The following ZNF541 variants were observed in gnomAD, a reference collection of about 807,000 sequenced individuals.
ZNF541 encodes the protein zinc finger protein 541.
In ZNF541, 23 loss-of-function variants were observed where a neutral mutation model predicts 123.5. The observed-to-expected ratio is 0.19, with a 90% CI of 0.13 to 0.26. The LOEUF is 0.26. Ranked by LOEUF, ZNF541 falls within the 10% of genes least tolerant of loss-of-function variation. The probability of loss-of-function intolerance (pLI) is 1.00; values close to 1 mark genes in which losing one functional copy is unlikely to be tolerated. For synonymous variants in ZNF541, 751 were observed against 754.5 expected (o/e 1.00, Z 0.08); for missense variants, 1,612 against 1,789.9 (o/e 0.90, Z 1.79).
chr19:47,551,456 T>C (rs574190536), intron 3 of ZNF541, among the ~76,000 whole-genome samples: 1 of 151,778 alleles, frequency 6.6e-6, no homozygotes, highest in African/African-American at 2.4e-5. Context: ...ACCGCAGCCT[T>C]GAACTCCTGG....
At chr19:47,532,420 T>C (rs1364121027) in intron 10 of ZNF541, 150 bp from the exon 11 acceptor site, 1 of 824,568 alleles carries the variant, frequency 1.2e-6, no homozygotes, top group East Asian at 2.7e-5. Flanking sequence ...TACGTGCTGT[T>C]CCCGACAGAT....
chr19:47,531,829 A>G, intron 11 of ZNF541, 84 bp from the exon 12 acceptor site: 2 of 1,247,744 alleles, frequency 1.6e-6, no homozygotes, highest in Non-Finnish European at 2.2e-6. Context: ...AAGACAGCAG[A>G]GAGGGGGTGC....
chr19:47,522,136 G>T, intron 14 of ZNF541, 142 bp from the exon 15 acceptor site: 1 of 1,111,740 alleles, frequency 9.0e-7, no homozygotes, highest in Non-Finnish European at 1.3e-6. Context: ...CACCACAAAG[G>T]CACAGGACCA....
chr19:47,533,366 A>C (rs1292690863), intron 9 of ZNF541, among the ~76,000 whole-genome samples: 4 of 134,296 alleles, frequency 3.0e-5, no homozygotes, highest in African/African-American at 6.5e-5. Context: ...TCTCAAAAAA[A>C]AAAAAAAAAA....
Position 47,538,416 on chromosome 19 carries a change from C to G in ZNF541, c.2820G>C (p.Glu940Asp). 6.5e-7 allele frequency: 1 copy of G among 1,530,480 alleles called. No individual in the cohort carries two copies. The highest frequency in any genetic ancestry group is 8.8e-7 in the Non-Finnish European group (1 of 1,136,602). 94.8% of individuals were successfully genotyped at this position (1,530,480 alleles called of 1,614,324 possible). A position where few individuals can be genotyped will look rare whatever the true frequency, so the allele number is the denominator to read the frequency against. The change falls in exon 9 of 17, where the codon GAG becomes GAC. Residue 940 changes from glutamate (E) to aspartate (D), a missense_variant. Glu to Asp is a conservative substitution (Grantham distance 45, BLOSUM62 2). Around this residue, in one of 5 missense-constraint regions of ZNF541, gnomAD observed 1,080 missense variants for 1,013.8 expected, o/e 1.07. Transcript: ENST00000391901. ...GCTGGCTGCTCTCCTTGCTGTCTCG[C>G]TCCTCCCCGTCTTTCTCTTGTCCCT... ...MAMGQEKDGE[E>D]RDSKESSQQR...
chr19:47,544,500 C>T lies in ZNF541; in HGVS notation c.2029G>A (p.Ala677Thr). ...PSRNPDISSL[A>T]KQLRSSKGTL... ...CCTTTAGAGGATCGCAGCTGCTTGGCCAGAGAAGAGATGTCTGGATTCCTG... is the reference window on the plus strand; with the variant it reads ...CCTTTAGAGGATCGCAGCTGCTTGGTCAGAGAAGAGATGTCTGGATTCCTG... Residue 677 changes from alanine to threonine, a missense_variant, in exon 5 of 17, where the codon GCC becomes ACC. Ala to Thr is a moderately conservative substitution (Grantham distance 58). Coordinates refer to ENST00000391901, the MANE Select transcript of ZNF541 (RefSeq NM_001277075.3). 6.4e-7 allele frequency: 1 copy of T among 1,551,682 alleles called. No individual in the cohort carries two copies. The highest frequency in any genetic ancestry group is 8.7e-7 in the Non-Finnish European group (1 of 1,147,002).
rs1487978047 is a variant in ZNF541 at position 47,545,775 on chromosome 19, T to C, written c.754A>G (p.Ser252Gly). ...AHESAGQPPPSSLRSLVPPEA... is the reference protein window; with the variant it reads ...AHESAGQPPPGSLRSLVPPEA... Reference sequence around the variant, plus strand: ...GGGGGCACCAGGGACCGCAGGCTGCTGGGGGGCGGCTGGCCGGCCGACTCG... The same window carrying C: ...GGGGGCACCAGGGACCGCAGGCTGCCGGGGGGCGGCTGGCCGGCCGACTCG... The change falls in exon 5 of 17, where the codon AGC becomes GGC. Residue 252 changes from serine (S) to glycine (G), a missense_variant. Ser to Gly is a moderately conservative substitution (Grantham distance 56, BLOSUM62 0). Transcript: ENST00000391901. The surrounding 1 kb of genome is among the most constrained non-coding windows in gnomAD (Gnocchi z 7.5). 6.5e-7 allele frequency: 1 copy of C among 1,537,200 alleles called. No homozygotes were observed. The highest frequency in any genetic ancestry group is 1.4e-5 in the African/African-American group (1 of 72,216).
chr19:47,563,807 C>T (rs7250619), intron 2 of ZNF541, among the ~76,000 whole-genome samples: 17,476 of 151,928 alleles, frequency 0.12, 1,161 homozygotes, highest in East Asian at 0.22. Flanking sequence ...GGTTTCACCA[C>T]GCTGGTCAGG....
At chr19:47,539,671 G>A (rs1272672061) in intron 8 of ZNF541, 34 bp downstream of exon 8, 8 of 1,378,706 alleles carry the variant, frequency 5.8e-6, no homozygotes, top group African/African-American at 3.1e-5. Flanking sequence ...GCTGCGGGCA[G>A]TGGCAGGAAG....
At chr19:47,531,828 G>A in intron 11 of ZNF541, 83 bp from the exon 12 acceptor site, 1 of 1,245,310 alleles carries the variant, frequency 8.0e-7, no homozygotes, top group Non-Finnish European at 1.1e-6. Flanking sequence ...AAAGACAGCA[G>A]AGAGGGGGTG....
intron 2 of ZNF541, among the ~76,000 whole-genome samples, chr19:47,557,423 A>C (rs1447551758): frequency 1.3e-5 from 2 of 152,204 alleles, no homozygotes; most frequent in Non-Finnish European, 2.9e-5. Flanking sequence ...TCTACAAAAG[A>C]ATGACAATTA....
chr19:47,538,120 T>C, intron 9 of ZNF541, 22 bp downstream of exon 9: 1 of 1,548,282 alleles, frequency 6.5e-7, no homozygotes. Context: ...GATCACAGAG[T>C]GAGTGCCCCA....
At chr19:47,539,620 G>T in intron 8 of ZNF541, 85 bp downstream of exon 8, 1 of 1,329,922 alleles carries the variant, frequency 7.5e-7, no homozygotes, top group Non-Finnish European at 9.7e-7. Context: ...AAGATTTTCT[G>T]TGGTATCTGG....
In ZNF541 at chr19:47,545,407, C is replaced by G. The variant is rs532513610; in HGVS notation, c.1122G>C (p.Leu374=). Residue 374 remains leucine (L), a synonymous_variant, in exon 5 of 17, where the codon CTG becomes CTC. Transcript: ENST00000391901. This position sits in a 1 kb window ranked among gnomAD's most constrained non-coding sequence, Gnocchi z 7.5. ...ACTCCGCGGTGGACCGGGCCTGGAG[C>G]AGCGCGGTATCTGGCTCCGGCTCTG... ...DPPEPEPDTA[L]LQARSTAECW... is the part of the protein sequence containing the mutation. 1 of 1,501,902 alleles carries G rather than the reference C, an allele frequency of 6.7e-7. No homozygotes were observed. Among genetic ancestry groups the G allele is most frequent in the African/African-American group, 1.4e-5 (1 of 71,454 alleles). The allele number at this position is 1,501,902 out of a possible 1,614,324, so 93.0% of individuals were successfully genotyped here.
At chr19:47,562,840 CCT>C (rs572320078) in intron 2 of ZNF541, among the ~76,000 whole-genome samples, 9 of 152,250 alleles carry the variant, frequency 5.9e-5, no homozygotes, top group South Asian at 2.1e-4. Context: ...ATAATGTTCC[CCT>C]GTCTGGAGAG....
Position 47,559,782 on chromosome 19 carries a change from G to A in ZNF541, c.-98-3828C>T, listed in dbSNP as rs114919499. 9.0e-3 allele frequency among the ~76,000 whole-genome samples: 1,367 copies of A among 151,242 alleles called. 17 individuals carry two copies. Among genetic ancestry groups the A allele is most frequent in the African/African-American group, 0.031 (1,289 of 41,172 alleles). ...GGAGGATCGCTCGAACCCAGGAAGC[G>A]GAGGTTGTAGTGAGCCGAGATTGTG... On this transcript the variant is annotated intron_variant, in intron 2 of 16. Coordinates refer to ENST00000391901, the MANE Select transcript of ZNF541 (RefSeq NM_001277075.3).
At chr19:47,573,167 G>A (rs1001719278), upstream of ZNF541, among the ~76,000 whole-genome samples, 1 of 149,596 alleles carries the variant, frequency 6.7e-6, no homozygotes, top group Non-Finnish European at 1.5e-5. Flanking sequence ...CGCGCCGCCC[G>A]GGGCGCACGC....
At chr19:47,538,514 A>T in intron 8 of ZNF541, 75 bp from the exon 9 acceptor site, 1 of 1,397,964 alleles carries the variant, frequency 7.2e-7, no homozygotes, top group Non-Finnish European at 9.4e-7. Context: ...ATGGAAAGAG[A>T]GCAGGAAAAG....
At chr19:47,542,799 A>G (rs1158974585) in intron 5 of ZNF541, among the ~76,000 whole-genome samples, 1 of 152,058 alleles carries the variant, frequency 6.6e-6, no homozygotes, top group Non-Finnish European at 1.5e-5. Context: ...CACAAAAATT[A>G]GCCAGATGTG....
Sources: gnomAD v4.1 joint callset for allele counts (sites outside exome capture counted in the v4.1 genomes callset) on GRCh38, gnomAD v4.1.1 for gene constraint, gnomAD v4.1.1 regional missense constraint, Gnocchi (gnomAD v3.1) non-coding constraint, MANE v1.5 for transcripts, NCBI Gene and HGNC (gene_info 2026-07-23, HGNC 2026-07-21) for gene names.